Variants in SMIM27 observed in about 807,000 individuals in gnomAD.
SMIM27 encodes the protein transition zone microprotein 1, also known as TOPORS antisense RNA 1 (non-protein coding).
In SMIM27, 3 loss-of-function variants were observed where a neutral mutation model predicts 1.8. The observed-to-expected ratio is 1.65, with a 90% CI of 0.75 to 4.28. The LOEUF (loss-of-function observed/expected upper bound fraction) is 4.28, where lower values mean the gene tolerates loss of function less well. Among genes scored for constraint, SMIM27 ranks in the 30% most tolerant of loss-of-function variants. The pLI, the probability that SMIM27 is intolerant of heterozygous loss-of-function variation, is 0.02. For synonymous variants in SMIM27, 19 were observed against 13.9 expected (o/e 1.37, Z -0.82); for missense variants, 63 against 37.0 (o/e 1.70, Z -1.83).
At chr9:32,557,136 G>A (rs1821482315), downstream of SMIM27, among the ~76,000 whole-genome samples, 1 of 147,898 alleles carries the variant, frequency 6.8e-6, no homozygotes, top group South Asian at 2.1e-4. Flanking sequence ...GGCATTACAG[G>A]TGTTAGCCAC....
downstream of SMIM27, chr9:32,553,495 AT>A (rs2118992364): frequency 5.0e-6 from 1 of 200,804 alleles, no homozygotes; most frequent in South Asian, 7.2e-5. Context: ...GGCCGGAAAG[AT>A]TTCCTTAAAA....
chr9:32,563,504 T>TTTTTTTTTTTTTTG (rs74178817), intron 1 of SMIM27, among the ~76,000 whole-genome samples: 3 of 148,872 alleles, frequency 2.0e-5, no homozygotes, highest in Non-Finnish European at 4.5e-5. Context: ...TTTTTTTTTT[T>TTTTTTTTTTTTTTG]GGAGGGATGG....
chr9:32,562,224 T>C (rs189684951), intron 1 of SMIM27, among the ~76,000 whole-genome samples: 56 of 152,346 alleles, frequency 3.7e-4, no homozygotes, highest in African/African-American at 1.3e-3. Flanking sequence ...CTTCCAACTT[T>C]ACTATAAAGT....
At chr9:32,562,136 T>G (rs1050703568) in intron 1 of SMIM27, among the ~76,000 whole-genome samples, 7 of 152,212 alleles carry the variant, frequency 4.6e-5, no homozygotes, top group Non-Finnish European at 1.0e-4. Flanking sequence ...TACGGCCACG[T>G]TCATTACTGA....
chr9:32,556,351 CCT>C (rs975933884), downstream of SMIM27, among the ~76,000 whole-genome samples: 32 of 152,310 alleles, frequency 2.1e-4, no homozygotes, highest in South Asian at 6.2e-4. Flanking sequence ...AAAATCATCC[CCT>C]GAGACATCCT....
exon 2 of SMIM27, chr9:32,566,716 A>C: frequency 1.2e-6 from 1 of 858,824 alleles, no homozygotes; most frequent in Non-Finnish European, 2.0e-6. Context: ...TTATTCCAAA[A>C]TCGGGACTCC....
downstream of SMIM27, chr9:32,553,845 C>T (rs781033762): frequency 7.1e-7 from 1 of 1,408,626 alleles, no homozygotes; most frequent in Non-Finnish European, 1.0e-6. Context: ...CAAACTTAGG[C>T]TCATAAGCCT....
intron 1 of SMIM27, among the ~76,000 whole-genome samples, chr9:32,562,875 C>T (rs1821665009): frequency 6.6e-6 from 1 of 152,172 alleles, no homozygotes. Context: ...CTGCCAACAC[C>T]GTCACTGTTC....
chr9:32,557,162 CTT>C (rs34291462), downstream of SMIM27, among the ~76,000 whole-genome samples: 1,049 of 129,196 alleles, frequency 8.1e-3, 13 homozygotes, highest in African/African-American at 0.025. Context: ...CTGGCCCCCA[CTT>C]TTTTTTTTTT....
downstream of SMIM27, among the ~76,000 whole-genome samples, chr9:32,554,296 G>A (rs1283372555): frequency 6.6e-6 from 1 of 152,210 alleles, no homozygotes; most frequent in Non-Finnish European, 1.5e-5. Flanking sequence ...TCCAGATAAG[G>A]AGGTAATGTA....
chr9:32,559,497 G>C (rs546123314), intron 1 of SMIM27, among the ~76,000 whole-genome samples: 1 of 152,288 alleles, frequency 6.6e-6, no homozygotes, highest in African/African-American at 2.4e-5. Context: ...GAAAAAGCCA[G>C]TCTTTTCTCC....
chr9:32,559,269 C>T (rs1587640163), intron 1 of SMIM27, among the ~76,000 whole-genome samples: 1 of 152,166 alleles, frequency 6.6e-6, no homozygotes, highest in African/African-American at 2.4e-5. Flanking sequence ...TTAATTCTAT[C>T]TTAAGAATAT....
chr9:32,552,503 C>T, intron 1 of SMIM27, 24 bp downstream of exon 1: 1 of 1,570,996 alleles, frequency 6.4e-7, no homozygotes. Flanking sequence ...ATCGCGGGCC[C>T]CCACCGTGTC....
downstream of SMIM27, among the ~76,000 whole-genome samples, chr9:32,554,663 A>G (rs1049309344): frequency 6.6e-6 from 1 of 152,244 alleles, no homozygotes; most frequent in Non-Finnish European, 1.5e-5. Flanking sequence ...TTATAGTCCA[A>G]TGAAAAAATA....
intron 1 of SMIM27, among the ~76,000 whole-genome samples, chr9:32,563,391 G>T (rs953009768): frequency 6.6e-6 from 1 of 151,390 alleles, no homozygotes; most frequent in African/African-American, 2.4e-5. Flanking sequence ...AGGATGGCTG[G>T]AGTACAGTGG....
At chr9:32,566,135 T>G (rs1821781239) in intron 1 of SMIM27, 3 of 609,304 alleles carry the variant, frequency 4.9e-6, no homozygotes, top group South Asian at 2.2e-5. Flanking sequence ...GACGAGAATA[T>G]GGTGTGTATA....
downstream of SMIM27, among the ~76,000 whole-genome samples, chr9:32,557,699 G>C (rs915911051): frequency 6.6e-6 from 1 of 151,864 alleles, no homozygotes; most frequent in Non-Finnish European, 1.5e-5. Flanking sequence ...GGCTGGTCTC[G>C]AAGTTCTGAC....
chr9:32,559,413 C>A (rs774893227), intron 1 of SMIM27, among the ~76,000 whole-genome samples: 1 of 152,222 alleles, frequency 6.6e-6, no homozygotes, highest in Non-Finnish European at 1.5e-5. Context: ...AAAGTCTATT[C>A]TCCACACTTC....
chr9:32,566,266 G>A (rs1821787030), intron 1 of SMIM27: 5 of 1,116,348 alleles, frequency 4.5e-6, no homozygotes, highest in Non-Finnish European at 5.5e-6. Flanking sequence ...ACTAATTTTA[G>A]GTTCTCTGAG....
Sources: allele counts gnomAD v4.1 joint callset (sites outside exome capture counted in the v4.1 genomes callset), GRCh38; gene constraint gnomAD v4.1.1; transcripts MANE v1.5; gene names NCBI Gene and HGNC (gene_info 2026-07-23, HGNC 2026-07-21).